Variants in EEFSEC observed in about 807,000 individuals in gnomAD.
EEFSEC encodes selenocysteine-specific elongation factor.
EEFSEC carries 43 observed loss-of-function variants against 42.1 expected under a neutral mutation model. The observed-to-expected ratio is 1.02, with a 90% CI of 0.80 to 1.32. EEFSEC has a LOEUF of 1.32. Ranked by LOEUF, EEFSEC falls within the 40% of genes most tolerant of loss-of-function variation. EEFSEC has a pLI of 0.00. For missense variants in EEFSEC, 745 were observed against 803.6 expected (o/e 0.93, Z 0.88); for synonymous variants, 354 against 339.1 (o/e 1.04, Z -0.48).
At chr3:128,271,331 C>G (rs1419069082) in intron 4 of EEFSEC, among the ~76,000 whole-genome samples, 1 of 152,200 alleles carries the variant, frequency 6.6e-6, no homozygotes, top group Non-Finnish European at 1.5e-5. Flanking sequence ...CTGTGGATAT[C>G]GGCTCTCAAG....
intron 4 of EEFSEC, among the ~76,000 whole-genome samples, chr3:128,335,348 A>T (rs1381610122): frequency 2.0e-5 from 3 of 152,180 alleles, no homozygotes; most frequent in Admixed American, 1.3e-4. Flanking sequence ...GGATAGGCCA[A>T]TGCCTGTCTC....
At chr3:128,275,325 T>A (rs979266859) in intron 4 of EEFSEC, among the ~76,000 whole-genome samples, 6 of 152,192 alleles carry the variant, frequency 3.9e-5, no homozygotes, top group African/African-American at 1.4e-4. Context: ...GAGTATCTGA[T>A]CTTTGACTGT....
chr3:128,364,498 T>C (rs759221991), intron 6 of EEFSEC, among the ~76,000 whole-genome samples: 6 of 152,216 alleles, frequency 3.9e-5, no homozygotes, highest in Non-Finnish European at 7.3e-5. Flanking sequence ...CAGTCCAGCC[T>C]CATGGCCAGG....
intron 4 of EEFSEC, among the ~76,000 whole-genome samples, chr3:128,278,702 CTCT>C (rs2066493116): frequency 6.6e-6 from 1 of 152,238 alleles, no homozygotes; most frequent in Non-Finnish European, 1.5e-5. Flanking sequence ...GCTCCCAACC[CTCT>C]TCTTGTTCAT....
At chr3:128,161,291 CTT>C (rs1381721170) in intron 1 of EEFSEC, among the ~76,000 whole-genome samples, 1 of 152,130 alleles carries the variant, frequency 6.6e-6, no homozygotes, top group Non-Finnish European at 1.5e-5. Flanking sequence ...GTGTGAGGGA[CTT>C]AGACTCATCC....
At chr3:128,284,198 C>G (rs1366611801) in intron 4 of EEFSEC, among the ~76,000 whole-genome samples, 2 of 152,172 alleles carry the variant, frequency 1.3e-5, no homozygotes, top group Non-Finnish European at 2.9e-5. Context: ...ACTGTAAAGC[C>G]CAAAGTAATT....
intron 1 of EEFSEC, among the ~76,000 whole-genome samples, chr3:128,167,770 G>A (rs149516096): frequency 1.3e-5 from 2 of 152,296 alleles, no homozygotes; most frequent in East Asian, 3.9e-4. Context: ...ACCCTTTCAA[G>A]AACATTTTTA....
intron 1 of EEFSEC, among the ~76,000 whole-genome samples, chr3:128,230,092 CT>C (rs111756787): frequency 2.4e-4 from 34 of 142,370 alleles, no homozygotes; most frequent in African/African-American, 7.6e-4. Flanking sequence ...TTCTGTCATT[CT>C]TTCGTTTTTT....
intron 4 of EEFSEC, among the ~76,000 whole-genome samples, chr3:128,267,082 G>A (rs923708174): frequency 6.6e-6 from 1 of 152,174 alleles, no homozygotes; most frequent in East Asian, 1.9e-4. Flanking sequence ...AGGGCTCTCT[G>A]GGGGGTGGGG....
chr3:128,284,451 G>A (rs927219470), intron 4 of EEFSEC, among the ~76,000 whole-genome samples: 16 of 151,234 alleles, frequency 1.1e-4, no homozygotes, highest in Non-Finnish European at 2.2e-4. Context: ...AGTGCTGGGG[G>A]TTGGGGGTGG....
chr3:128,186,682 C>T (rs1419541958), intron 1 of EEFSEC, among the ~76,000 whole-genome samples: 1 of 152,174 alleles, frequency 6.6e-6, no homozygotes, highest in East Asian at 1.9e-4. Context: ...ACTGTTCCCT[C>T]TATTGATTTG....
At chr3:128,419,396 A>C in the EEFSEC span, among the ~76,000 whole-genome samples, 145 of 152,368 alleles carry the variant, frequency 9.5e-4, 2 homozygotes, top group African/African-American at 3.2e-3. Context: ...AGGTGAAAAA[A>C]GTTGCAAAAG....
rs566372507 is a variant in EEFSEC, at chr3:128,323,431, C to G, written c.787-17802C>G. Among the ~76,000 whole-genome samples the G allele has an allele frequency of 1.3e-4, 20 of 152,306 alleles. 1 individual carries two copies. The highest frequency in any genetic ancestry group is 3.8e-4 in the African/African-American group (16 of 41,570). ...GCCCATGCCATTCTGTCGGCTCTGG[C>G]CCGGAACTGACCTTTGTTATTTGAA... On this transcript the variant is annotated intron_variant, in intron 4 of 6. Transcript: ENST00000254730.
chr3:128,415,054 G>A, the EEFSEC span, among the ~76,000 whole-genome samples: 29 of 152,260 alleles, frequency 1.9e-4, no homozygotes, highest in African/African-American at 6.5e-4. Flanking sequence ...GATGGGGTGG[G>A]CAAGACACCT....
downstream of EEFSEC, among the ~76,000 whole-genome samples, chr3:128,408,969 A>G (rs1299747161): frequency 6.6e-6 from 1 of 151,670 alleles, no homozygotes; most frequent in Non-Finnish European, 1.5e-5. Context: ...TTGTTCCTCC[A>G]CCCCAACACG....
intron 6 of EEFSEC, among the ~76,000 whole-genome samples, chr3:128,391,734 G>A (rs1263781645): frequency 6.6e-6 from 1 of 152,230 alleles, no homozygotes; most frequent in Non-Finnish European, 1.5e-5. Flanking sequence ...TGCACCCCCT[G>A]GACTGTGGAC....
chr3:128,338,127 A>G (rs551104856), intron 4 of EEFSEC, among the ~76,000 whole-genome samples: 19 of 152,382 alleles, frequency 1.2e-4, no homozygotes, highest in Admixed American at 9.1e-4. Context: ...TAGTATCATA[A>G]CTGGCACAAT....
At chr3:128,189,935 T>C (rs2065504681) in intron 1 of EEFSEC, among the ~76,000 whole-genome samples, 1 of 152,078 alleles carries the variant, frequency 6.6e-6, no homozygotes, top group South Asian at 2.1e-4. Flanking sequence ...CGATCTTGGC[T>C]CACTGCAACC....
intron 4 of EEFSEC, among the ~76,000 whole-genome samples, chr3:128,299,385 C>G (rs987684635): frequency 6.6e-6 from 1 of 152,090 alleles, no homozygotes; most frequent in Non-Finnish European, 1.5e-5. Flanking sequence ...GAAATTTATT[C>G]AGGTCTTTTG....
Sources: gnomAD v4.1 joint callset for allele counts (sites outside exome capture counted in the v4.1 genomes callset) on GRCh38, gnomAD v4.1.1 for gene constraint, MANE v1.5 for transcripts, NCBI Gene and HGNC (gene_info 2026-07-23, HGNC 2026-07-21) for gene names.